KAT7: variants seen among roughly 807,000 people sequenced by gnomAD.
KAT7 encodes histone acetyltransferase KAT7.
KAT7 carries 10 observed loss-of-function variants against 82.1 expected under a neutral mutation model. That is an observed-to-expected ratio of 0.12 (90% CI 0.08 to 0.21). KAT7 has a LOEUF of 0.21. Among genes scored for constraint, KAT7 ranks in the 10% least tolerant of loss-of-function variants. The pLI is 1.00. For missense variants in KAT7, 378 were observed against 760.9 expected, an observed-to-expected ratio of 0.50 and a Z score of 5.92; for synonymous variants, 250 against 262.5, an observed-to-expected ratio of 0.95 and a Z score of 0.46.
intron 6 of KAT7, among the ~76,000 whole-genome samples, chr17:49,810,759 G>A (rs2074152631): frequency 6.6e-6 from 1 of 152,116 alleles, no homozygotes; most frequent in Admixed American, 6.6e-5. Context: ...AAATAAGTTT[G>A]TATTCCTGAA....
At chr17:49,812,826 C>T (rs1161730985) in intron 7 of KAT7, among the ~76,000 whole-genome samples, 1 of 151,896 alleles carries the variant, frequency 6.6e-6, no homozygotes, top group Non-Finnish European at 1.5e-5. Flanking sequence ...CCTCAGCCTC[C>T]CAAGTAGCTG....
Position 49,834,878 on chromosome 17 carries a change from C to G in KAT7, c.*7376C>G, listed in dbSNP as rs1462266920. ...AATTAGTTGGGCATGGTGGTGTGCA[C>G]CCGTAGTGCCAGCTACTCAGGAGGC... On this transcript the variant is annotated 3_prime_UTR_variant, in exon 15 of 15. Coordinates refer to ENST00000259021, the MANE Select transcript of KAT7 (RefSeq NM_007067.5). The G allele has an allele frequency of 6.6e-6, 1 of 152,126 alleles. No individual in the cohort carries two copies. The highest frequency in any genetic ancestry group is 6.6e-5 in the Admixed American group (1 of 15,238). The allele number at this position is 152,126 out of a possible 1,614,324, so 9.4% of individuals were successfully genotyped here. A position where few individuals can be genotyped will look rare whatever the true frequency, so the allele number is the denominator to read the frequency against.
chr17:49,803,186 A>G (rs1040908488), intron 4 of KAT7, among the ~76,000 whole-genome samples: 15 of 150,998 alleles, frequency 9.9e-5, no homozygotes, highest in African/African-American at 2.7e-4. Context: ...TTGGCTCACT[A>G]TAGCCTCTGC....
chr17:49,796,878 C>T lies in KAT7; in HGVS notation c.292C>T (p.Arg98Cys), dbSNP rs1422894472. 8.1e-6 allele frequency: 13 copies of T among 1,614,024 alleles called. No individual in the cohort carries two copies. Among genetic ancestry groups the T allele is most frequent in the African/African-American group, 5.3e-5 (4 of 74,894 alleles). Reference protein sequence around the residue: ...TPKKYPLRQTRSSGSETEQVV... With the variant: ...TPKKYPLRQTCSSGSETEQVV... ...GAAAAAATACCCTCTTCGGCAGACT[C>T]GTTCATCTGGTTCAGAAACTGAGCA... The change falls in exon 3 of 15, where the codon CGT becomes TGT. Residue 98 changes from arginine (R) to cysteine (C), a missense_variant. By Grantham distance (180) the Arg-to-Cys change is radical. Transcript: ENST00000259021.
chr17:49,821,392 T>C lies in KAT7; in HGVS notation c.1211T>C (p.Ile404Thr). The C allele has an allele frequency of 1.9e-6, 3 of 1,613,834 alleles. No individual in the cohort carries two copies. The highest frequency in any genetic ancestry group is 2.5e-6 in the Non-Finnish European group (3 of 1,179,978). ...PGDEIYRKGS[I>T]SVFEVDGKKN... Reference sequence around the variant, plus strand: ...GATGAGATATATCGCAAAGGTTCAATCTCTGTGTTTGAAGTGGATGGCAAG... The same window carrying C: ...GATGAGATATATCGCAAAGGTTCAACCTCTGTGTTTGAAGTGGATGGCAAG... The change falls in exon 10 of 15, where the codon ATC (isoleucine) becomes ACC (threonine). Residue 404 changes from isoleucine to threonine, a missense_variant. This residue lies in a region of KAT7 where 37 missense variants were observed against 98.6 expected (regional missense o/e 0.38). Coordinates refer to ENST00000259021, the MANE Select transcript of KAT7 (RefSeq NM_007067.5).
chr17:49,803,040 T>C (rs565196545), intron 4 of KAT7, among the ~76,000 whole-genome samples: 2 of 148,444 alleles, frequency 1.3e-5, no homozygotes, highest in Admixed American at 1.3e-4. Flanking sequence ...GATGCTACAT[T>C]GTATGTATGG....
intron 5 of KAT7, among the ~76,000 whole-genome samples, chr17:49,807,901 A>G (rs1352227785): frequency 6.6e-6 from 1 of 152,034 alleles, no homozygotes; most frequent in Non-Finnish European, 1.5e-5. Context: ...ATTGCCATTT[A>G]TTAATACTGG....
intron 5 of KAT7, among the ~76,000 whole-genome samples, chr17:49,807,782 G>A (rs944416291): frequency 3.3e-5 from 5 of 152,180 alleles, no homozygotes; most frequent in African/African-American, 1.2e-4. Context: ...ATACGTTTTA[G>A]AGGGGAGCAA....
rs1006528415 is a variant in KAT7, at chr17:49,791,992, G to A, written c.122G>A (p.Arg41Gln). The A allele has an allele frequency of 1.2e-6, 2 of 1,613,970 alleles. No individual in the cohort carries two copies. Among genetic ancestry groups the A allele is most frequent in the Non-Finnish European group, 8.5e-7 (1 of 1,180,030 alleles). ...GATGGCACATCCCGACGATCTGCTCGAGTCACCCGCTCCTCAGCCAGGCTA... is the reference window on the plus strand; with the variant it reads ...GATGGCACATCCCGACGATCTGCTCAAGTCACCCGCTCCTCAGCCAGGCTA... The part of the protein sequence containing the change: ...ESDGTSRRSA[R>Q]VTRSSARLSQ... The change falls in exon 2 of 15, where the codon CGA becomes CAA. Residue 41 changes from arginine (R) to glutamine (Q), a missense_variant. This residue lies in a region of KAT7 where 161 missense variants were observed against 229.6 expected (regional missense o/e 0.70). Coordinates refer to ENST00000259021, the MANE Select transcript of KAT7 (RefSeq NM_007067.5).
chr17:49,793,271 A>G (rs1277160317), intron 2 of KAT7, among the ~76,000 whole-genome samples: 1 of 152,238 alleles, frequency 6.6e-6, no homozygotes, highest in Non-Finnish European at 1.5e-5. Flanking sequence ...AATCCAATAA[A>G]CACTTGATAG....
At chr17:49,794,208 G>C (rs977995791) in intron 2 of KAT7, among the ~76,000 whole-genome samples, 4 of 152,228 alleles carry the variant, frequency 2.6e-5, no homozygotes, top group African/African-American at 9.7e-5. Context: ...CAAGGGCTGT[G>C]AGAGGGGTTT....
chr17:49,788,945 C>T (rs1382045961), intron 1 of KAT7, 96 bp downstream of exon 1: 2 of 1,179,222 alleles, frequency 1.7e-6, no homozygotes, highest in African/African-American at 1.6e-5. Context: ...TGGGTCCCAA[C>T]TTTCCGCTCC....
chr17:49,803,076 C>T (rs530186811), intron 4 of KAT7, among the ~76,000 whole-genome samples: 34 of 150,922 alleles, frequency 2.3e-4, no homozygotes, highest in South Asian at 1.5e-3. Flanking sequence ...GATGGTTTTT[C>T]GTGTTCAAGA....
chr17:49,811,599 G>T, intron 7 of KAT7, 25 bp downstream of exon 7: 1 of 1,165,288 alleles, frequency 8.6e-7, no homozygotes, highest in Non-Finnish European at 1.2e-6. Flanking sequence ...AATATTTAAT[G>T]AGCATGAACT....
At position 49,811,536 on chromosome 17, in the gene KAT7, A is replaced by G; in HGVS notation, c.814A>G (p.Asn272Asp). 1 of 1,554,996 alleles carries G rather than the reference A, an allele frequency of 6.4e-7. No individual in the cohort carries two copies. Among genetic ancestry groups the G allele is most frequent in the Non-Finnish European group, 8.7e-7 (1 of 1,148,974 alleles). Residue 272 changes from asparagine to aspartate, a missense_variant, in exon 7 of 15, where the codon AAT becomes GAT. Asn to Asp is a conservative substitution (Grantham distance 23). Transcript: ENST00000259021. ...EKVAELRKKR[N>D]SGLSKEQKEK... is the part of the protein sequence containing the mutation. Reference sequence around the variant, plus strand: ...AGTGGCTGAACTCAGGAAGAAAAGAAATTCTGGACTGAGCAAAGAACAGAA... The same window carrying G: ...AGTGGCTGAACTCAGGAAGAAAAGAGATTCTGGACTGAGCAAAGAACAGAA...
chr17:49,813,807 A>G (rs1024162429), intron 7 of KAT7, among the ~76,000 whole-genome samples: 9 of 151,956 alleles, frequency 5.9e-5, no homozygotes, highest in African/African-American at 2.2e-4. Context: ...TGTTATATGC[A>G]GGGAGGTTGT....
rs539165930 is a variant in KAT7 at position 49,833,522 on chromosome 17, T to C, written c.*6020T>C. The C allele has an allele frequency of 1.3e-5, 2 of 152,350 alleles. No homozygotes were observed. Among genetic ancestry groups the C allele is most frequent in the South Asian group, 2.1e-4 (1 of 4,830 alleles). 9.4% of individuals were successfully genotyped at this position (152,350 alleles called of 1,614,324 possible). ...TGAACTTGTGACTTGTTTTGACTAA[T>C]AGGATATGGAAGTGATATTTTGGCA... On this transcript the variant is annotated 3_prime_UTR_variant, in exon 15 of 15. Transcript: ENST00000259021.
In KAT7 at chr17:49,796,795, C is replaced by G. The variant is rs2073962051; in HGVS notation, c.209C>G (p.Pro70Arg). Reference protein sequence around the residue: ...RNLQSFGTEEPAYSTRRVTRS... With the variant: ...RNLQSFGTEERAYSTRRVTRS... ...CTGCAGTCTTTTGGCACTGAGGAGC[C>G]TGCTTACTCTACCAGAAGAGTGACC... Residue 70 changes from proline (P) to arginine (R), a missense_variant, in exon 3 of 15, where the codon CCT becomes CGT. Around this residue, in one of 6 missense-constraint regions of KAT7, gnomAD observed 161 missense variants for 229.6 expected, o/e 0.70. Coordinates refer to ENST00000259021, the MANE Select transcript of KAT7 (RefSeq NM_007067.5). 6.2e-7 allele frequency: 1 copy of G among 1,613,628 alleles called. No homozygotes were observed. The highest frequency in any genetic ancestry group is 8.5e-7 in the Non-Finnish European group (1 of 1,179,738).
In KAT7 at chr17:49,831,571, ATC is replaced by A. The variant is rs1385543141; in HGVS notation, c.*4070_*4071del. 2 of 152,214 alleles carry A rather than the reference ATC, an allele frequency of 1.3e-5. No homozygotes were observed. Among genetic ancestry groups the A allele is most frequent in the African/African-American group, 4.8e-5 (2 of 41,518 alleles). The allele number at this position is 152,214 out of a possible 1,614,324, so 9.4% of individuals were successfully genotyped here. ...GAGAGCCTTGCTTCCCTGAGTCCAA[ATC>A]CCATACTTTTGGCATTGTTATGAGG... is the stretch of plus-strand genomic sequence containing the variant. On this transcript the variant is annotated 3_prime_UTR_variant, in exon 15 of 15. Transcript: ENST00000259021.
Sources: allele counts gnomAD v4.1 joint callset (sites outside exome capture counted in the v4.1 genomes callset), GRCh38; gene constraint gnomAD v4.1.1; regional missense constraint gnomAD v4.1.1; transcripts MANE v1.5; gene names NCBI Gene and HGNC (gene_info 2026-07-23, HGNC 2026-07-21).